Variants in SPTBN1 observed in about 807,000 individuals in gnomAD.
SPTBN1 encodes the protein spectrin beta chain, non-erythrocytic 1.
Under a neutral mutation model 266.4 loss-of-function variants are expected in SPTBN1, and 32 were observed. The ratio of observed to expected loss-of-function variants is 0.12; its 90% CI spans 0.09 to 0.16. The LOEUF (loss-of-function observed/expected upper bound fraction) is 0.16. Ranked by LOEUF, SPTBN1 falls within the 10% of genes least tolerant of loss-of-function variation. The pLI is 1.00. For synonymous variants in SPTBN1, 1,336 were observed against 1,162.2 expected (o/e 1.15, Z -3.04); for missense variants, 2,296 against 3,067.1 (o/e 0.75, Z 5.94).
chr2:54,472,892 GTTAACT>G (rs1429923652), intron 1 of SPTBN1, among the ~76,000 whole-genome samples: 2 of 152,204 alleles, frequency 1.3e-5, no homozygotes, highest in African/African-American at 4.8e-5. Context: ...GAAACAGTGA[GTTAACT>G]TTATTTTGAG....
At chr2:54,489,868 A>T (rs1213468132) in intron 1 of SPTBN1, among the ~76,000 whole-genome samples, 1 of 152,192 alleles carries the variant, frequency 6.6e-6, no homozygotes, top group African/African-American at 2.4e-5. Context: ...CTTTACTTTG[A>T]TATAATCTTC....
chr2:54,659,397 G>T (rs1680888543), intron 31 of SPTBN1, 131 bp downstream of exon 31: 1 of 856,818 alleles, frequency 1.2e-6, no homozygotes, highest in Non-Finnish European at 1.9e-6. Context: ...TCCATAGACT[G>T]TTTAAAGGCT....
intron 16 of SPTBN1, 87 bp from the exon 17 acceptor site, chr2:54,632,479 T>C (rs560330794): frequency 9.1e-6 from 12 of 1,319,872 alleles, no homozygotes; most frequent in Non-Finnish European, 1.3e-5. Flanking sequence ...AAGAAAGTGT[T>C]GTGAACTATG....
chr2:54,608,197 T>G (rs893360785), intron 3 of SPTBN1, among the ~76,000 whole-genome samples: 1 of 152,126 alleles, frequency 6.6e-6, no homozygotes, highest in African/African-American at 2.4e-5. Context: ...CAAAAACCCC[T>G]GAGAATATAG....
intron 1 of SPTBN1, among the ~76,000 whole-genome samples, chr2:54,514,950 A>G (rs1670041626): frequency 6.6e-6 from 1 of 152,226 alleles, no homozygotes; most frequent in Non-Finnish European, 1.5e-5. Context: ...GGACTAGCAA[A>G]TTAACCACAA....
In SPTBN1 at chr2:54,646,853, C is replaced by T. The variant is rs1423194325; in HGVS notation, c.4867-278C>T. ...ATACTTGAGGGACCTTGAGGAATTC[C>T]AGCGAACCAGGCACACTTGGTCTGC... On this transcript the variant is annotated intron_variant, in intron 23 of 35. Coordinates refer to ENST00000356805, the MANE Select transcript of SPTBN1 (RefSeq NM_003128.3). This position sits in a 1 kb window ranked among gnomAD's most constrained non-coding sequence, Gnocchi z 4.4. 6.6e-6 allele frequency among the ~76,000 whole-genome samples: 1 copy of T among 152,172 alleles called. No individual in the cohort carries two copies. Among genetic ancestry groups the T allele is most frequent in the African/African-American group, 2.4e-5 (1 of 41,434 alleles).
Position 54,670,411 on chromosome 2 carries a change from A to C in SPTBN1, c.*1842A>C, listed in dbSNP as rs563165620. On this transcript the variant is annotated 3_prime_UTR_variant, in exon 36 of 36. Transcript: ENST00000356805. ...AAGTTATTCCACAAAGACCATGCCT[A>C]AGGTGGCATCAGCCCTGGGCTCCAC... 3.7e-5 allele frequency: 12 copies of C among 326,178 alleles called. No homozygotes were observed. The highest frequency in any genetic ancestry group is 2.3e-4 in the African/African-American group (11 of 47,352). 20.2% of individuals were successfully genotyped at this position (326,178 alleles called of 1,614,324 possible). A position where few individuals can be genotyped will look rare whatever the true frequency, so the allele number is the denominator to read the frequency against.
chr2:54,578,123 T>C (rs1344088348), intron 2 of SPTBN1, among the ~76,000 whole-genome samples: 1 of 152,258 alleles, frequency 6.6e-6, no homozygotes, highest in Non-Finnish European at 1.5e-5. Flanking sequence ...TGAAATTATT[T>C]GTAATGTACC....
At chr2:54,629,854 G>A (rs1319380228) in intron 14 of SPTBN1, 38 bp from the exon 15 acceptor site, 2 of 1,613,350 alleles carry the variant, frequency 1.2e-6, no homozygotes, top group South Asian at 2.2e-5. Flanking sequence ...ACCACCAGTG[G>A]CCCAGGAGGT....
rs3835844 is a variant in SPTBN1, at chr2:54,661,735, C to CAT, written c.6420+1745_6420+1746dup. On this transcript the variant is annotated intron_variant, in intron 32 of 35. Coordinates refer to ENST00000356805, the MANE Select transcript of SPTBN1 (RefSeq NM_003128.3). ...TCTATATGTATATATGTGATGTTTT[C>CAT]ATATATATATGTGTGTGTGTTTAAA... 212 of 985,392 alleles carry CAT rather than the reference C, an allele frequency of 2.2e-4. 3 individuals carry two copies. The East Asian group carries it at 7.8e-3, about 36-fold the overall frequency. The allele number at this position is 985,392 out of a possible 1,614,324, so 61.0% of individuals were successfully genotyped here.
chr2:54,513,465 A>G (rs1035268307), intron 1 of SPTBN1, among the ~76,000 whole-genome samples: 5 of 152,248 alleles, frequency 3.3e-5, no homozygotes, highest in Non-Finnish European at 7.3e-5. Flanking sequence ...GTTCAGGCAC[A>G]TATGATACTA....
At position 54,629,350 on chromosome 2, in the gene SPTBN1, G is replaced by A. The variant is rs762626546; in HGVS notation, c.2216G>A (p.Arg739His). The A allele has an allele frequency of 2.8e-5, 45 of 1,614,040 alleles. No homozygotes were observed. The highest frequency in any genetic ancestry group is 3.3e-4 in the Middle Eastern group (2 of 6,062). Residue 739 changes from arginine (R) to histidine (H), a missense_variant, in exon 14 of 36, where the codon CGC becomes CAC. Around this residue, in one of 12 missense-constraint regions of SPTBN1, gnomAD observed 434 missense variants for 573.9 expected, o/e 0.76. Coordinates refer to ENST00000356805, the MANE Select transcript of SPTBN1 (RefSeq NM_003128.3). The stretch of plus-strand genomic sequence containing the variant: ...CAGCTCTCGGCCATTCGGAAGAAGC[G>A]CCTGGAGGAGGCCTCCCTGCTGCAC... ...LEQLSAIRKK[R>H]LEEASLLHQF...
Position 54,658,045 on chromosome 2 carries a change from C to T in SPTBN1, c.6242C>T (p.Thr2081Ile), listed in dbSNP as rs919849047. 3.7e-6 allele frequency: 6 copies of T among 1,614,126 alleles called. No homozygotes were observed. Among genetic ancestry groups the T allele is most frequent in the Non-Finnish European group, 5.1e-6 (6 of 1,180,048 alleles). Residue 2081 changes from threonine (T) to isoleucine (I), a missense_variant and splice_region_variant, in exon 30 of 36, where the codon ACA becomes ATA. Around this residue, in one of 12 missense-constraint regions of SPTBN1, gnomAD observed 347 missense variants for 368.5 expected, o/e 0.94. Transcript: ENST00000356805. The stretch of plus-strand genomic sequence containing the variant: ...TTCTCTGCCCTGGAAAGGCTGACTA[C>T]AGTAAGTGGCCGCTGGGCCCTTTGT... Reference protein sequence around the residue: ...ERFSALERLTTLELLEVRRQQ... With the variant: ...ERFSALERLTILELLEVRRQQ...
Position 54,669,701 on chromosome 2 carries a change from C to G in SPTBN1, c.*1132C>G, listed in dbSNP as rs1044453985. 1 of 152,620 alleles carries G rather than the reference C, an allele frequency of 6.6e-6. No homozygotes were observed. Among genetic ancestry groups the G allele is most frequent in the Non-Finnish European group, 1.5e-5 (1 of 68,032 alleles). 9.5% of individuals were successfully genotyped at this position (152,620 alleles called of 1,614,324 possible). On this transcript the variant is annotated 3_prime_UTR_variant, in exon 36 of 36. Transcript: ENST00000356805. ...GCACGGTGACTAGTTGTTGTTCTTCCTCTGCTGCGTGTGCATGCCCAGTAG... is the reference window on the plus strand; with the variant it reads ...GCACGGTGACTAGTTGTTGTTCTTCGTCTGCTGCGTGTGCATGCCCAGTAG...
intron 23 of SPTBN1, 105 bp from the exon 24 acceptor site, chr2:54,647,026 T>A: frequency 1.9e-6 from 3 of 1,550,272 alleles, no homozygotes; most frequent in Non-Finnish European, 2.6e-6. Context: ...AGTTTTTCTT[T>A]CTACTGATCC....
Position 54,624,908 on chromosome 2 carries a change from C to T in SPTBN1, c.1287C>T (p.Arg429=), listed in dbSNP as rs756134030. 1.2e-6 allele frequency: 2 copies of T among 1,613,872 alleles called. No homozygotes were observed. Among genetic ancestry groups the T allele is most frequent in the East Asian group, 4.5e-5 (2 of 44,866 alleles). ...AACAGCTCGCCCGCAGATTTGATCGCAAGGCAGCTATGAGGGAGACTTGGC... is the reference window on the plus strand; with the variant it reads ...AACAGCTCGCCCGCAGATTTGATCGTAAGGCAGCTATGAGGGAGACTTGGC... The part of the protein sequence containing the change: ...KLEQLARRFD[R]KAAMRETWLS... The change falls in exon 11 of 36, where the codon CGC becomes CGT. Residue 429 remains arginine (R), a synonymous_variant. Transcript: ENST00000356805.
intron 2 of SPTBN1, among the ~76,000 whole-genome samples, chr2:54,591,871 C>G (rs1675708263): frequency 6.6e-6 from 1 of 152,324 alleles, no homozygotes; most frequent in Non-Finnish European, 1.5e-5. Flanking sequence ...AGCAAATTCT[C>G]TAGAGTAAAT....
chr2:54,666,737 T>G lies in SPTBN1; in HGVS notation c.6833+649T>G, dbSNP rs2104268101. Among the ~76,000 whole-genome samples the G allele has an allele frequency of 5.3e-5, 8 of 152,374 alleles. No individual in the cohort carries two copies. The Middle Eastern group carries it at 0.024, about 453-fold the overall frequency. On this transcript the variant is annotated intron_variant, in intron 34 of 35. Coordinates refer to ENST00000356805, the MANE Select transcript of SPTBN1 (RefSeq NM_003128.3). ...TCTTGTAAAAAGTGGTTAGAATGCT[T>G]GTTTACTGATTTGTGCTGTTGCTTT...
intron 17 of SPTBN1, 126 bp downstream of exon 17, chr2:54,632,894 CAGA>C: frequency 4.0e-6 from 4 of 1,011,546 alleles, no homozygotes; most frequent in Non-Finnish European, 5.7e-6. Flanking sequence ...GGGTGCCCAG[CAGA>C]AGTTCATCTA....
Sources: gnomAD v4.1 joint callset for allele counts (sites outside exome capture counted in the v4.1 genomes callset) on GRCh38, gnomAD v4.1.1 for gene constraint, gnomAD v4.1.1 regional missense constraint, Gnocchi (gnomAD v3.1) non-coding constraint, MANE v1.5 for transcripts, NCBI Gene and HGNC (gene_info 2026-07-23, HGNC 2026-07-21) for gene names.